GPC5: variants seen among roughly 807,000 people sequenced by gnomAD.
GPC5 encodes the protein glypican-5.
A neutral mutation model predicts 53.9 loss-of-function variants in GPC5; 47 were observed. The observed-to-expected ratio is 0.87, with a 90% CI of 0.69 to 1.11. GPC5 has a LOEUF of 1.11. Among genes scored for constraint, GPC5 ranks in the 50% most tolerant of loss-of-function variants. The pLI, the probability that GPC5 is intolerant of heterozygous loss-of-function variation, is 0.00. For missense variants in GPC5, 748 were observed against 713.1 expected (o/e 1.05, Z -0.56); for synonymous variants, 286 against 263.3 (o/e 1.09, Z -0.84).
chr13:92,586,602 C>T (rs1209020001), intron 7 of GPC5, among the ~76,000 whole-genome samples: 2 of 152,318 alleles, frequency 1.3e-5, no homozygotes, highest in Middle Eastern at 3.4e-3. Context: ...TGAAGAAAAA[C>T]ACCCAGTGAG....
At chr13:92,663,581 ATATATATATATATCTAC>A (rs1206777130) in intron 7 of GPC5, among the ~76,000 whole-genome samples, 170 of 82,730 alleles carry the variant, frequency 2.1e-3, no homozygotes, top group South Asian at 5.7e-3. Context: ...TACTAAATAT[ATATATATATATATCTAC>A]TATATATATA....
Position 92,429,960 on chromosome 13 carries a change from G to T in GPC5, c.1561+284971G>T, listed in dbSNP as rs151311021. 6.0e-3 allele frequency among the ~76,000 whole-genome samples: 917 copies of T among 152,042 alleles called. 9 individuals carry two copies. Among genetic ancestry groups the T allele is most frequent in the African/African-American group, 0.021 (869 of 41,486 alleles). The stretch of plus-strand genomic sequence containing the variant: ...GTATTATGTACTTGAAAATTGTGAA[G>T]AGAGTAGATTTTAAGTATTGCCATC... On this transcript the variant is annotated intron_variant, in intron 7 of 7. Coordinates refer to ENST00000377067, the MANE Select transcript of GPC5 (RefSeq NM_004466.6).
At chr13:91,562,619 A>ATTTTTTTTTTT (rs35271520) in intron 2 of GPC5, among the ~76,000 whole-genome samples, 1 of 126,078 alleles carries the variant, frequency 7.9e-6, no homozygotes, top group Non-Finnish European at 1.6e-5. Flanking sequence ...ATGCCTGGCT[A>ATTTTTTTTTTT]TTTTTTTTTT....
chr13:92,551,703 G>T (rs1275074885), intron 7 of GPC5, among the ~76,000 whole-genome samples: 1 of 151,856 alleles, frequency 6.6e-6, no homozygotes, highest in African/African-American at 2.4e-5. Context: ...ATTTGGTATT[G>T]AGAAACAGTA....
In GPC5 at chr13:92,122,867, CA is replaced by C. The variant is rs896832521; in HGVS notation, c.1402-21955del. On this transcript the variant is annotated intron_variant, in intron 6 of 7. Coordinates refer to ENST00000377067, the MANE Select transcript of GPC5 (RefSeq NM_004466.6). ...CAGAATGGTTAAAATATACTGGCAACAAAAAAAAGCAATTTTTACAAATGAT... is the reference window on the plus strand; with the variant it reads ...CAGAATGGTTAAAATATACTGGCAACAAAAAAAGCAATTTTTACAAATGAT... 3.3e-4 allele frequency among the ~76,000 whole-genome samples: 48 copies of C among 144,488 alleles called. 1 individual carries two copies. The Middle Eastern group carries it at 0.015, about 46-fold the overall frequency. 94.8% of individuals were successfully genotyped at this position (144,488 alleles called of 152,430 possible).
chr13:92,385,775 A>G (rs1254706382), intron 7 of GPC5, among the ~76,000 whole-genome samples: 5 of 83,706 alleles, frequency 6.0e-5, no homozygotes, highest in African/African-American at 1.1e-4. Flanking sequence ...ACGTATATAT[A>G]CATATATGTA....
chr13:92,563,403 A>G (rs1882761069), intron 7 of GPC5, among the ~76,000 whole-genome samples: 2 of 151,964 alleles, frequency 1.3e-5, no homozygotes, highest in African/African-American at 4.8e-5. Context: ...GCCATTTTCT[A>G]TTTCAATTTT....
At chr13:91,835,351 A>C (rs2038711225) in intron 5 of GPC5, among the ~76,000 whole-genome samples, 1 of 152,236 alleles carries the variant, frequency 6.6e-6, no homozygotes, top group Admixed American at 6.5e-5. Context: ...ATCTAGAACC[A>C]GAAATACCAT....
intron 7 of GPC5, among the ~76,000 whole-genome samples, chr13:92,469,252 A>T (rs371587364): frequency 3.9e-5 from 6 of 152,106 alleles, no homozygotes; most frequent in African/African-American, 1.2e-4. Flanking sequence ...TCTGTCACCC[A>T]GGCTGGAGTG....
intron 2 of GPC5, among the ~76,000 whole-genome samples, chr13:91,494,355 A>T (rs9560819): frequency 2.8e-5 from 4 of 143,200 alleles, no homozygotes; most frequent in African/African-American, 8.3e-5. Context: ...TATTTTTATT[A>T]ATTATTATTA....
At chr13:91,556,953 C>A (rs192163890) in intron 2 of GPC5, among the ~76,000 whole-genome samples, 272 of 152,034 alleles carry the variant, frequency 1.8e-3, no homozygotes, top group Admixed American at 5.8e-3. Flanking sequence ...CCACCTGTTC[C>A]CCCCAAAACC....
chr13:92,231,333 G>C (rs546392240), intron 7 of GPC5, among the ~76,000 whole-genome samples: 11 of 151,946 alleles, frequency 7.2e-5, no homozygotes, highest in Non-Finnish European at 1.3e-4. Flanking sequence ...TCTCTCTTTT[G>C]GCAAAGAAAA....
At chr13:92,516,865 C>A (rs564120302) in intron 7 of GPC5, among the ~76,000 whole-genome samples, 2 of 152,004 alleles carry the variant, frequency 1.3e-5, no homozygotes, top group African/African-American at 4.8e-5. Flanking sequence ...GAGTGTGAGC[C>A]GAAGCAGGGT....
intron 1 of GPC5, among the ~76,000 whole-genome samples, chr13:91,427,012 G>A (rs1879103955): frequency 6.6e-6 from 1 of 152,170 alleles, no homozygotes; most frequent in African/African-American, 2.4e-5. Context: ...CCCGTGGATG[G>A]GAAGTCAGTG....
intron 7 of GPC5, among the ~76,000 whole-genome samples, chr13:92,684,490 C>T (rs1236843348): frequency 6.6e-5 from 10 of 151,972 alleles, no homozygotes; most frequent in Admixed American, 1.3e-4. Context: ...AGGCAGGTCT[C>T]GAACTCCTGA....
At chr13:92,625,655 G>A (rs1213822515) in intron 7 of GPC5, among the ~76,000 whole-genome samples, 1 of 152,190 alleles carries the variant, frequency 6.6e-6, no homozygotes, top group Admixed American at 6.5e-5. Flanking sequence ...TATTCTTAGT[G>A]AACATAATTC....
At chr13:91,665,505 C>CTTTTTTTTTTTT (rs371605806) in intron 2 of GPC5, among the ~76,000 whole-genome samples, 1 of 146,132 alleles carries the variant, frequency 6.8e-6, no homozygotes, top group African/African-American at 2.6e-5. Flanking sequence ...AAAAGCCAGT[C>CTTTTTTTTTTTT]TTTTTTTTTT....
chr13:91,682,307 G>A (rs1205222921), intron 2 of GPC5, among the ~76,000 whole-genome samples: 3 of 152,106 alleles, frequency 2.0e-5, no homozygotes, highest in Non-Finnish European at 2.9e-5. Context: ...AAATCATCTA[G>A]CTAATGGCAA....
intron 5 of GPC5, among the ~76,000 whole-genome samples, chr13:91,759,449 C>T (rs2037364161): frequency 6.6e-6 from 1 of 152,052 alleles, no homozygotes; most frequent in Non-Finnish European, 1.5e-5. Context: ...TCCTGTTGTG[C>T]TATCTAATAC....
Sources: gnomAD v4.1 joint callset for allele counts (sites outside exome capture counted in the v4.1 genomes callset) on GRCh38, gnomAD v4.1.1 for gene constraint, MANE v1.5 for transcripts, NCBI Gene and HGNC (gene_info 2026-07-23, HGNC 2026-07-21) for gene names.